The following TBC1D32 variants were observed in gnomAD, a reference collection of about 807,000 sequenced individuals.
TBC1D32 encodes TBC1 domain family member 32, also known as protein broad-minded.
TBC1D32 carries 151 observed loss-of-function variants against 170.3 expected under a neutral mutation model. The ratio of observed to expected loss-of-function variants is 0.89; its 90% CI spans 0.78 to 1.01. The LOEUF is 1.01. TBC1D32 is among the 50% of genes least tolerant of loss of function. The pLI is 0.00. For synonymous variants in TBC1D32, 498 were observed against 488.0 expected, an observed-to-expected ratio of 1.02 and a Z score of -0.27; for missense variants, 1,464 against 1,457.1, an observed-to-expected ratio of 1.00 and a Z score of -0.08.
chr6:121,315,533 T>C (rs1438280188), intron 3 of TBC1D32, among the ~76,000 whole-genome samples: 1 of 152,168 alleles, frequency 6.6e-6, no homozygotes, highest in Non-Finnish European at 1.5e-5. Flanking sequence ...GCTGCAATTT[T>C]TTAAGTAATA....
chr6:121,206,254 G>A (rs768120638), intron 21 of TBC1D32, among the ~76,000 whole-genome samples: 14 of 150,770 alleles, frequency 9.3e-5, no homozygotes, highest in Non-Finnish European at 1.9e-4. Context: ...TTTCTACAAT[G>A]CCCTGCTTTT....
chr6:121,180,500 G>A (rs541183957), intron 22 of TBC1D32, among the ~76,000 whole-genome samples: 9 of 152,180 alleles, frequency 5.9e-5, no homozygotes, highest in Non-Finnish European at 1.3e-4. Flanking sequence ...CAGTGGGGAA[G>A]AAACACTCTC....
At chr6:121,265,179 C>T (rs1411720937) in intron 15 of TBC1D32, among the ~76,000 whole-genome samples, 1 of 152,132 alleles carries the variant, frequency 6.6e-6, no homozygotes, top group East Asian at 1.9e-4. Context: ...CGTGTCAGCC[C>T]AAAAGCTCCT....
At chr6:121,090,627 G>T (rs964412015) in intron 31 of TBC1D32, among the ~76,000 whole-genome samples, 1 of 152,054 alleles carries the variant, frequency 6.6e-6, no homozygotes, top group African/African-American at 2.4e-5. Flanking sequence ...CAAAGTGTTG[G>T]ATCCAGACAG....
chr6:121,146,720 G>A (rs1783498006), intron 24 of TBC1D32, among the ~76,000 whole-genome samples: 1 of 152,046 alleles, frequency 6.6e-6, no homozygotes, highest in African/African-American at 2.4e-5. Context: ...ATAGATAAGA[G>A]GAGAAAATAA....
intron 20 of TBC1D32, among the ~76,000 whole-genome samples, 154 bp from the exon 21 acceptor site, chr6:121,223,506 A>G (rs539144377): frequency 2.6e-5 from 4 of 152,194 alleles, no homozygotes; most frequent in African/African-American, 4.8e-5. Flanking sequence ...ATATATAAGT[A>G]CAAAACAGTT....
intron 1 of TBC1D32, among the ~76,000 whole-genome samples, chr6:121,323,690 C>A (rs1810070257): frequency 6.6e-6 from 1 of 152,128 alleles, no homozygotes; most frequent in Non-Finnish European, 1.5e-5. Context: ...GCCTGTGATC[C>A]CAGCACTTTG....
intron 31 of TBC1D32, among the ~76,000 whole-genome samples, chr6:121,090,003 G>A (rs1303125642): frequency 2.7e-5 from 4 of 150,834 alleles, no homozygotes; most frequent in Admixed American, 6.6e-5. Flanking sequence ...GTGCGATCTC[G>A]GCTCATGCAA....
intron 20 of TBC1D32, among the ~76,000 whole-genome samples, chr6:121,236,724 TATAA>T (rs1363919147): frequency 6.6e-6 from 1 of 152,110 alleles, no homozygotes; most frequent in Non-Finnish European, 1.5e-5. Flanking sequence ...CTATTTGAAT[TATAA>T]ATATTTCCAA....
chr6:121,113,232 T>TA, intron 27 of TBC1D32, 55 bp from the exon 28 acceptor site: 1 of 1,165,020 alleles, frequency 8.6e-7, no homozygotes, highest in Non-Finnish European at 1.2e-6. Flanking sequence ...TTGAATGTTT[T>TA]AAAATTACTT....
At chr6:121,107,265 T>C (rs1216307043) in intron 29 of TBC1D32, among the ~76,000 whole-genome samples, 1 of 151,960 alleles carries the variant, frequency 6.6e-6, no homozygotes, top group Non-Finnish European at 1.5e-5. Flanking sequence ...CTTTTAAGAA[T>C]TTAGGTTTGA....
At chr6:121,145,049 GC>G (rs1458700213) in intron 24 of TBC1D32, among the ~76,000 whole-genome samples, 1 of 152,162 alleles carries the variant, frequency 6.6e-6, no homozygotes, top group African/African-American at 2.4e-5. Context: ...AGCCTGATTA[GC>G]TTACAAGTGG....
intron 22 of TBC1D32, among the ~76,000 whole-genome samples, chr6:121,162,230 G>A (rs4321860): frequency 0.69 from 104,604 of 152,096 alleles, 41,160 homozygotes; most frequent in Non-Finnish European, 0.87. Context: ...TGTGTTTGTT[G>A]CCATTGCTTT....
chr6:121,196,296 C>A (rs1022468849), intron 22 of TBC1D32, among the ~76,000 whole-genome samples: 1 of 152,198 alleles, frequency 6.6e-6, no homozygotes, highest in South Asian at 2.1e-4. Flanking sequence ...GACTTCCACT[C>A]ACCAAGGCTG....
chr6:121,304,702 CTTA>C, intron 6 of TBC1D32, 50 bp downstream of exon 6: 3 of 1,525,662 alleles, frequency 2.0e-6, no homozygotes. Flanking sequence ...CCTATCCATT[CTTA>C]AGTACATGCA....
chr6:121,219,499 T>C (rs1316342765), intron 21 of TBC1D32, among the ~76,000 whole-genome samples: 1 of 152,200 alleles, frequency 6.6e-6, no homozygotes, highest in African/African-American at 2.4e-5. Context: ...CATTTTGGAC[T>C]ATATCATAAA....
chr6:121,224,292 A>C (rs1021754378), intron 20 of TBC1D32: 15 of 152,116 alleles, frequency 9.9e-5, no homozygotes, highest in African/African-American at 3.6e-4. Context: ...AATTAACTCT[A>C]TGCACATCTA....
At chr6:121,189,132 AAAG>A (rs1451562553) in intron 22 of TBC1D32, among the ~76,000 whole-genome samples, 1 of 152,182 alleles carries the variant, frequency 6.6e-6, no homozygotes, top group African/African-American at 2.4e-5. Flanking sequence ...TTGACATCCC[AAAG>A]AAGTTTATCT....
At chr6:121,330,224 G>A (rs186435308) in intron 1 of TBC1D32, among the ~76,000 whole-genome samples, 197 of 152,218 alleles carry the variant, frequency 1.3e-3, no homozygotes, top group African/African-American at 4.5e-3. Flanking sequence ...TGTAGAGACA[G>A]GGTTTTGCCA....
Sources: allele counts gnomAD v4.1 joint callset (sites outside exome capture counted in the v4.1 genomes callset), GRCh38; gene constraint gnomAD v4.1.1; transcripts MANE v1.5; gene names NCBI Gene and HGNC (gene_info 2026-07-23, HGNC 2026-07-21).